Variants in TMEM163 observed in about 807,000 individuals in gnomAD.
TMEM163 encodes the protein transmembrane protein 163.
Under a neutral mutation model 29.3 loss-of-function variants are expected in TMEM163, and 17 were observed. The observed-to-expected ratio is 0.58, with a 90% CI of 0.40 to 0.87. The LOEUF (loss-of-function observed/expected upper bound fraction) is 0.87. Ranked by LOEUF, TMEM163 falls within the 40% of genes least tolerant of loss-of-function variation. The pLI is 0.00. For synonymous variants in TMEM163, 157 were observed against 160.6 expected (o/e 0.98, Z 0.17); for missense variants, 303 against 381.5 (o/e 0.79, Z 1.71).
chr2:134,521,667 G>C (rs1680191557), intron 4 of TMEM163, among the ~76,000 whole-genome samples: 1 of 152,210 alleles, frequency 6.6e-6, no homozygotes, highest in Non-Finnish European at 1.5e-5. Context: ...CATGTGGACT[G>C]CCAGCTAACA....
chr2:134,560,342 G>T (rs1023406534), intron 2 of TMEM163, among the ~76,000 whole-genome samples: 2 of 152,140 alleles, frequency 1.3e-5, no homozygotes, highest in African/African-American at 4.8e-5. Flanking sequence ...GATGTATCCC[G>T]AATGCCAAGA....
intron 4 of TMEM163, among the ~76,000 whole-genome samples, chr2:134,536,697 A>T (rs886327967): frequency 1.3e-5 from 2 of 152,230 alleles, no homozygotes; most frequent in African/African-American, 4.8e-5. Context: ...TACTTAGTAC[A>T]GTGCCCGAAG....
At chr2:134,622,580 A>T in intron 2 of TMEM163, among the ~76,000 whole-genome samples, 1 of 152,132 alleles carries the variant, frequency 6.6e-6, no homozygotes, top group Non-Finnish European at 1.5e-5. Context: ...TCCTAATTCC[A>T]CTTACTTAAG....
chr2:134,694,815 T>C (rs1684543315), intron 2 of TMEM163, among the ~76,000 whole-genome samples: 1 of 152,102 alleles, frequency 6.6e-6, no homozygotes, highest in Non-Finnish European at 1.5e-5. Flanking sequence ...TGAACAAAGA[T>C]CAACTGACAT....
At chr2:134,614,580 A>G (rs909967733) in intron 2 of TMEM163, among the ~76,000 whole-genome samples, 11 of 152,248 alleles carry the variant, frequency 7.2e-5, no homozygotes, top group Admixed American at 1.3e-4. Flanking sequence ...TCAGTGGGAC[A>G]CAGTGGCTCA....
intron 2 of TMEM163, among the ~76,000 whole-genome samples, chr2:134,674,340 ATTTTTTTTT>A (rs72052495): frequency 9.4e-6 from 1 of 106,580 alleles, no homozygotes; most frequent in Non-Finnish European, 1.8e-5. Context: ...AGAGTCATTA[ATTTTTTTTT>A]TTTTTTTTTT....
intron 6 of TMEM163, among the ~76,000 whole-genome samples, chr2:134,461,148 C>T (rs1437171231): frequency 6.6e-6 from 1 of 152,230 alleles, no homozygotes; most frequent in Non-Finnish European, 1.5e-5. Context: ...ACAGTTGCAA[C>T]CACAGATCCG....
At chr2:134,482,340 G>C (rs1322251214) in intron 5 of TMEM163, among the ~76,000 whole-genome samples, 2 of 152,128 alleles carry the variant, frequency 1.3e-5, no homozygotes, top group African/African-American at 4.8e-5. Context: ...ATGAACTGTG[G>C]CCACTGACAC....
chr2:134,632,832 T>G (rs1307951001), intron 2 of TMEM163, among the ~76,000 whole-genome samples: 1 of 149,274 alleles, frequency 6.7e-6, no homozygotes, highest in Non-Finnish European at 1.5e-5. Context: ...AAGCTTTGCC[T>G]CCCGGGTTCA....
intron 4 of TMEM163, among the ~76,000 whole-genome samples, chr2:134,534,066 C>G (rs989650661): frequency 6.6e-6 from 1 of 152,194 alleles, no homozygotes; most frequent in African/African-American, 2.4e-5. Flanking sequence ...CTGCCCATCT[C>G]CTTCTTTAGG....
intron 4 of TMEM163, among the ~76,000 whole-genome samples, chr2:134,508,642 C>T (rs1445086988): frequency 6.6e-6 from 1 of 152,086 alleles, no homozygotes; most frequent in Non-Finnish European, 1.5e-5. Context: ...GTTAAGACTC[C>T]ACCCCTCCCT....
At chr2:134,676,155 A>C (rs1418059951) in intron 2 of TMEM163, among the ~76,000 whole-genome samples, 1 of 152,194 alleles carries the variant, frequency 6.6e-6, no homozygotes, top group Non-Finnish European at 1.5e-5. Flanking sequence ...AGCATTTGCC[A>C]ATTTCTATGG....
intron 2 of TMEM163, among the ~76,000 whole-genome samples, chr2:134,601,077 TATAA>T (rs1334178837): frequency 6.6e-6 from 1 of 152,076 alleles, no homozygotes; most frequent in African/African-American, 2.4e-5. Flanking sequence ...ACTTTATATA[TATAA>T]AGTATATCTA....
At chr2:134,463,798 C>T (rs1455682505) in intron 6 of TMEM163, among the ~76,000 whole-genome samples, 1 of 152,192 alleles carries the variant, frequency 6.6e-6, no homozygotes, top group Non-Finnish European at 1.5e-5. Flanking sequence ...AGTGCGGCAC[C>T]TAACAGAGTG....
At chr2:134,621,177 T>C (rs964883808) in intron 2 of TMEM163, among the ~76,000 whole-genome samples, 8 of 152,174 alleles carry the variant, frequency 5.3e-5, no homozygotes, top group African/African-American at 1.9e-4. Flanking sequence ...GATTTGAGCA[T>C]ATATTTCACC....
chr2:134,566,888 AAGAT>A lies in TMEM163; in HGVS notation c.323-14801_323-14798del, dbSNP rs1385384229. On this transcript the variant is annotated intron_variant, in intron 2 of 7. Transcript: ENST00000281924. ...ATAAGATATCATTAAGCTCTTGAAA[AAGAT>A]AGATGTGTAACGCTGCAAAATGTAG... Among the ~76,000 whole-genome samples, 9 of 152,334 alleles carry A rather than the reference AAGAT, an allele frequency of 5.9e-5. No individual in the cohort carries two copies. In the South Asian group the frequency reaches 1.0e-3, roughly 18 times the overall value.
chr2:134,619,701 A>G (rs1188386991), intron 2 of TMEM163, among the ~76,000 whole-genome samples: 1 of 152,194 alleles, frequency 6.6e-6, no homozygotes, highest in Non-Finnish European at 1.5e-5. Flanking sequence ...ACTGCACTAG[A>G]GGTTCTAGCC....
rs147404017 is a variant in TMEM163, at chr2:134,590,795, C to T, written c.323-38704G>A. Among the ~76,000 whole-genome samples the T allele has an allele frequency of 1.1e-4, 16 of 152,078 alleles. No individual in the cohort carries two copies. In the East Asian group the frequency reaches 2.3e-3, roughly 22 times the overall value. On this transcript the variant is annotated intron_variant, in intron 2 of 7. Coordinates refer to ENST00000281924, the MANE Select transcript of TMEM163 (RefSeq NM_030923.5). ...ATTTGTAAGCTGTCATGGTGAGAGA[C>T]GAGAAAGGAAGAAACCTGTCAGGCA... is the stretch of plus-strand genomic sequence containing the variant.
intron 4 of TMEM163, among the ~76,000 whole-genome samples, chr2:134,538,030 C>T (rs921800940): frequency 2.6e-5 from 4 of 152,206 alleles, no homozygotes; most frequent in African/African-American, 9.6e-5. Flanking sequence ...AATGACATTG[C>T]CACTTTGGAA....
Sources: gnomAD v4.1 joint callset for allele counts (sites outside exome capture counted in the v4.1 genomes callset) on GRCh38, gnomAD v4.1.1 for gene constraint, MANE v1.5 for transcripts, NCBI Gene and HGNC (gene_info 2026-07-23, HGNC 2026-07-21) for gene names.